The following GABRP variants were observed in gnomAD, a reference collection of about 807,000 sequenced individuals.
GABRP encodes gamma-aminobutyric acid type A receptor subunit pi.
Under a neutral mutation model 47.8 loss-of-function variants are expected in GABRP, and 52 were observed. The observed-to-expected ratio is 1.09, with a 90% confidence interval of 0.87 to 1.37. The LOEUF (loss-of-function observed/expected upper bound fraction) is 1.37, where lower values mean the gene tolerates loss of function less well. Among genes scored for constraint, GABRP ranks in the 40% most tolerant of loss-of-function variants. GABRP has a pLI of 0.00. For synonymous variants in GABRP, 221 were observed against 205.8 expected, an observed-to-expected ratio of 1.07 and a Z score of -0.63; for missense variants, 525 against 542.8, an observed-to-expected ratio of 0.97 and a Z score of 0.33.
chr5:170,794,312 C>A lies in GABRP; in HGVS notation c.240+14C>A. On this transcript the variant is annotated intron_variant, in intron 4 of 9. Coordinates refer to ENST00000265294, the MANE Select transcript of GABRP (RefSeq NM_014211.3). ...GAGAGTAACATGGTAAGCGCTGTTC[C>A]TTTGTACTCTACCCAAGTAGTCCCT... 1.3e-6 allele frequency: 2 copies of A among 1,562,098 alleles called. No individual in the cohort carries two copies. Among genetic ancestry groups the A allele is most frequent in the Non-Finnish European group, 1.8e-6 (2 of 1,142,158 alleles).
At chr5:170,796,763 A>G (rs1765440566) in intron 5 of GABRP, among the ~76,000 whole-genome samples, 3 of 152,210 alleles carry the variant, frequency 2.0e-5, no homozygotes, top group African/African-American at 4.8e-5. Flanking sequence ...GGAGGTGAGC[A>G]CCATTCTGTA....
intron 5 of GABRP, among the ~76,000 whole-genome samples, 172 bp from the exon 6 acceptor site, chr5:170,797,294 T>C (rs1353854177): frequency 6.6e-6 from 1 of 152,236 alleles, no homozygotes; most frequent in African/African-American, 2.4e-5. Context: ...CCAAGCCTCA[T>C]GCACACATTC....
upstream of GABRP, among the ~76,000 whole-genome samples, chr5:170,783,506 G>C (rs1765055148): frequency 6.6e-6 from 1 of 151,578 alleles, no homozygotes; most frequent in African/African-American, 2.4e-5. Flanking sequence ...GTCTTTTCTG[G>C]CAGAGGTCTG....
chr5:170,809,444 G>T, intron 8 of GABRP, 124 bp from the exon 9 acceptor site: 1 of 855,042 alleles, frequency 1.2e-6, no homozygotes, highest in South Asian at 1.5e-5. Context: ...TTTTCAAAAT[G>T]AGATGCATTC....
intron 9 of GABRP, among the ~76,000 whole-genome samples, chr5:170,811,506 C>A (rs1052814761): frequency 6.6e-6 from 1 of 152,132 alleles, no homozygotes. Context: ...AAACACCTAC[C>A]AGATGCTTTC....
chr5:170,810,173 G>A, intron 9 of GABRP: 1 of 439,802 alleles, frequency 2.3e-6, no homozygotes, highest in Non-Finnish European at 4.0e-6. Context: ...AAAAATGTAT[G>A]GAAATATTAG....
intron 6 of GABRP, 21 bp downstream of exon 6, chr5:170,797,569 C>T: frequency 1.4e-6 from 2 of 1,475,250 alleles, no homozygotes; most frequent in Non-Finnish European, 1.9e-6. Flanking sequence ...ATCCTACAGG[C>T]TCCTGAGATG....
At chr5:170,799,157 C>A (rs1349894157) in intron 6 of GABRP, among the ~76,000 whole-genome samples, 1 of 152,202 alleles carries the variant, frequency 6.6e-6, no homozygotes, top group Non-Finnish European at 1.5e-5. Context: ...GTATGTGCCA[C>A]ATTTTCTTAA....
Position 170,788,563 on chromosome 5 carries a change from CT to C in GABRP, c.-42-10del. The C allele has an allele frequency of 1.9e-6, 3 of 1,595,178 alleles. No homozygotes were observed. Among genetic ancestry groups the C allele is most frequent in the Non-Finnish European group, 2.6e-6 (3 of 1,163,314 alleles). ...CACGGCCTTCCACTTACCTTGCCCC[CT>C]GTTTCCCAGGTGATTCCTACTTCAG... On this transcript the variant is annotated splice_polypyrimidine_tract_variant and intron_variant, in intron 1 of 9. Coordinates refer to ENST00000265294, the MANE Select transcript of GABRP (RefSeq NM_014211.3).
intron 4 of GABRP, 42 bp from the exon 5 acceptor site, chr5:170,795,166 C>T: frequency 7.0e-7 from 1 of 1,430,656 alleles, no homozygotes; most frequent in Non-Finnish European, 9.9e-7. Flanking sequence ...TTTTCTCACC[C>T]ACTACCCCCA....
chr5:170,789,509 G>A (rs549294358), intron 3 of GABRP, among the ~76,000 whole-genome samples: 117 of 152,130 alleles, frequency 7.7e-4, no homozygotes, highest in African/African-American at 2.5e-3. Context: ...ACACACTGTC[G>A]TCCTCCTGCC....
chr5:170,789,867 G>A (rs923558447), intron 3 of GABRP, among the ~76,000 whole-genome samples: 4 of 152,074 alleles, frequency 2.6e-5, no homozygotes, highest in Non-Finnish European at 5.9e-5. Flanking sequence ...TCCTGGAATT[G>A]CTTCTTTAAA....
upstream of GABRP, chr5:170,782,760 A>G (rs1281013537): frequency 1.3e-5 from 2 of 152,060 alleles, no homozygotes; most frequent in Non-Finnish European, 2.9e-5. Flanking sequence ...GAGCTTCGCC[A>G]TGATGTCAGG....
intron 9 of GABRP, 125 bp from the exon 10 acceptor site, chr5:170,811,831 A>G (rs1581610918): frequency 5.6e-6 from 5 of 899,950 alleles, no homozygotes; most frequent in Non-Finnish European, 8.4e-6. Flanking sequence ...GAAGCACTCA[A>G]TGCCACTCTC....
At chr5:170,804,623 T>A (rs1765681022) in intron 6 of GABRP, among the ~76,000 whole-genome samples, 1 of 152,174 alleles carries the variant, frequency 6.6e-6, no homozygotes, top group Non-Finnish European at 1.5e-5. Flanking sequence ...AGTATCTTTT[T>A]GTTTGCTTAT....
intron 5 of GABRP, among the ~76,000 whole-genome samples, chr5:170,796,703 T>C (rs1380999816): frequency 3.3e-5 from 5 of 152,176 alleles, no homozygotes; most frequent in Admixed American, 6.5e-5. Context: ...CAGTAAACCA[T>C]AGCTATTGTT....
chr5:170,806,942 C>CTTTAT (rs986496180), intron 7 of GABRP, among the ~76,000 whole-genome samples: 8 of 151,204 alleles, frequency 5.3e-5, no homozygotes, highest in African/African-American at 1.7e-4. Context: ...TATTATTTTA[C>CTTTAT]TTTATTTTAT....
chr5:170,788,775 G>A (rs1005635161), intron 2 of GABRP, 107 bp downstream of exon 2: 21 of 1,025,632 alleles, frequency 2.0e-5, no homozygotes, highest in Admixed American at 8.7e-5. Context: ...GGCAAAACCC[G>A]GTCCACTCAC....
intron 3 of GABRP, among the ~76,000 whole-genome samples, chr5:170,792,436 C>T (rs1012397298): frequency 1.3e-3 from 95 of 75,744 alleles, no homozygotes; most frequent in Non-Finnish European, 2.1e-3. Context: ...GAGGGAGACT[C>T]CATCTCAAAA....
Sources: allele counts gnomAD v4.1 joint callset (sites outside exome capture counted in the v4.1 genomes callset), GRCh38; gene constraint gnomAD v4.1.1; transcripts MANE v1.5; gene names NCBI Gene and HGNC (gene_info 2026-07-23, HGNC 2026-07-21).